Variants in MMP8 observed in about 807,000 individuals in gnomAD.
MMP8 encodes neutrophil collagenase.
A neutral mutation model predicts 51.2 loss-of-function variants in MMP8; 67 were observed. The ratio of observed to expected loss-of-function variants is 1.31; its 90% CI spans 1.08 to 1.60. The LOEUF is 1.60. Among genes scored for constraint, MMP8 ranks in the 40% most tolerant of loss-of-function variants. The pLI is 0.00. For missense variants in MMP8, 654 were observed against 558.1 expected, an observed-to-expected ratio of 1.17 and a Z score of -1.73; for synonymous variants, 225 against 191.0, an observed-to-expected ratio of 1.18 and a Z score of -1.47.
In MMP8 at chr11:102,714,591, A is replaced by C. The variant is rs1861224149; in HGVS notation, c.1155T>G (p.Ser385Arg). ...QAIDAAVFYR[S>R]KTYFFVNDQF... is the part of the protein sequence containing the mutation. ...GGTCATTTACAAAGAAGTATGTTTT[A>C]CTTCTGTAGAAAACAGCTGCGTCAA... Residue 385 changes from serine (S) to arginine (R), a missense_variant, in exon 8 of 10, where the codon AGT becomes AGG. Ser to Arg is a moderately radical substitution (Grantham distance 110, BLOSUM62 -1). Coordinates refer to ENST00000236826, the MANE Select transcript of MMP8 (RefSeq NM_002424.3). 1 of 1,511,664 alleles carries C rather than the reference A, an allele frequency of 6.6e-7. No homozygotes were observed. The highest frequency in any genetic ancestry group is 8.8e-7 in the Non-Finnish European group (1 of 1,132,830). The allele number at this position is 1,511,664 out of a possible 1,614,324, so 93.6% of individuals were successfully genotyped here.
chr11:102,714,482 A>G, intron 8 of MMP8, 74 bp downstream of exon 8: 1 of 1,069,488 alleles, frequency 9.4e-7, no homozygotes, highest in East Asian at 3.1e-5. Flanking sequence ...TAAACCTTGA[A>G]ATGCTTGAAG....
chr11:102,724,365 G>A (rs1024379252), intron 1 of MMP8, among the ~76,000 whole-genome samples: 7 of 151,968 alleles, frequency 4.6e-5, no homozygotes, highest in African/African-American at 1.5e-4. Context: ...AATTTTTGGC[G>A]GCAAAGAAAA....
intron 6 of MMP8, 84 bp from the exon 7 acceptor site, chr11:102,715,521 G>A: frequency 4.7e-6 from 7 of 1,495,566 alleles, no homozygotes; most frequent in Non-Finnish European, 6.3e-6. Flanking sequence ...GGCTAGTGAT[G>A]GTCCTTGTAG....
Position 102,724,818 on chromosome 11 carries a change from A to C in MMP8, c.38T>G (p.Leu13Arg). Residue 13 changes from leucine (L) to arginine (R), a missense_variant, in exon 1 of 10, where the codon CTC becomes CGC. Leu to Arg is a moderately radical substitution (Grantham distance 102). Transcript: ENST00000236826. ...SLKTLPFLLL[L>R]HVQISKAFPV... Reference sequence around the variant, plus strand: ...AAAGGCCTTGGAAATCTGCACATGGAGTAAGAGCAGAAATGGAAGCGTCTT... The same window carrying C: ...AAAGGCCTTGGAAATCTGCACATGGCGTAAGAGCAGAAATGGAAGCGTCTT... 1 of 1,609,940 alleles carries C rather than the reference A, an allele frequency of 6.2e-7. No individual in the cohort carries two copies. The highest frequency in any genetic ancestry group is 8.5e-7 in the Non-Finnish European group (1 of 1,177,542).
rs969037484 is a variant in MMP8, at chr11:102,712,468, C to T, written c.*880G>A. Reference sequence around the variant, plus strand: ...TGGCTTAAAACAAAGGAAATTTATTCCCTCACGGTTTTGGAGGATAGAAGT... The same window carrying T: ...TGGCTTAAAACAAAGGAAATTTATTTCCTCACGGTTTTGGAGGATAGAAGT... On this transcript the variant is annotated 3_prime_UTR_variant, in exon 10 of 10. Coordinates refer to ENST00000236826, the MANE Select transcript of MMP8 (RefSeq NM_002424.3). 3 of 152,190 alleles carry T rather than the reference C, an allele frequency of 2.0e-5. No homozygotes were observed. Among genetic ancestry groups the T allele is most frequent in the African/African-American group, 2.4e-5 (1 of 41,412 alleles). The allele number at this position is 152,190 out of a possible 1,614,324, so 9.4% of individuals were successfully genotyped here. A position where few individuals can be genotyped will look rare whatever the true frequency, so the allele number is the denominator to read the frequency against.
Position 102,724,876 on chromosome 11 carries a change from C to T in MMP8, c.-21G>A, listed in dbSNP as rs1405345763. 2 of 1,598,860 alleles carry T rather than the reference C, an allele frequency of 1.3e-6. No homozygotes were observed. Among genetic ancestry groups the T allele is most frequent in the Non-Finnish European group, 1.7e-6 (2 of 1,171,366 alleles). Reference sequence around the variant, plus strand: ...AACATGATCTTCTCTTCAAACTCTACCCCTCCTGGCTTTCTTTCTGTCCCT... The same window carrying T: ...AACATGATCTTCTCTTCAAACTCTATCCCTCCTGGCTTTCTTTCTGTCCCT... On this transcript the variant is annotated 5_prime_UTR_variant, in exon 1 of 10. Coordinates refer to ENST00000236826, the MANE Select transcript of MMP8 (RefSeq NM_002424.3).
Position 102,724,831 on chromosome 11 carries a change from A to G in MMP8, c.25T>C (p.Phe9Leu). MFSLKTLP[F>L]LLLLHVQISK... ...ATCTGCACATGGAGTAAGAGCAGAAATGGAAGCGTCTTCAGGGAGAACATG... is the reference window on the plus strand; with the variant it reads ...ATCTGCACATGGAGTAAGAGCAGAAGTGGAAGCGTCTTCAGGGAGAACATG... Residue 9 changes from phenylalanine to leucine, a missense_variant, in exon 1 of 10, where the codon TTT (phenylalanine) becomes CTT (leucine). By Grantham distance (22) the Phe-to-Leu change is conservative. Transcript: ENST00000236826. The G allele has an allele frequency of 6.2e-7, 1 of 1,610,518 alleles. No individual in the cohort carries two copies. Among genetic ancestry groups the G allele is most frequent in the Non-Finnish European group, 8.5e-7 (1 of 1,177,850 alleles).
At chr11:102,715,140 C>T (rs1039380327) in intron 7 of MMP8, among the ~76,000 whole-genome samples, 164 bp downstream of exon 7, 4 of 152,084 alleles carry the variant, frequency 2.6e-5, no homozygotes, top group African/African-American at 9.7e-5. Context: ...CAGGTTCACA[C>T]AGTAGTTAGT....
chr11:102,718,153 A>G (rs2846352), intron 5 of MMP8, among the ~76,000 whole-genome samples: 60,782 of 151,890 alleles, frequency 0.4, 12,500 homozygotes, highest in Middle Eastern at 0.52. Flanking sequence ...AGCCTAAAAA[A>G]GAAGAAAAAA....
At chr11:102,714,769 TA>T in intron 7 of MMP8, 60 bp from the exon 8 acceptor site, 1 of 29,008 alleles carries the variant, frequency 3.4e-5, no homozygotes, top group South Asian at 6.5e-4. Context: ...AAATTATATA[TA>T]TATATATATA....
chr11:102,720,355 G>A lies in MMP8; in HGVS notation c.622+1046C>T, dbSNP rs146907068. On this transcript the variant is annotated intron_variant, in intron 4 of 9. Transcript: ENST00000236826. ...GTCCAGTTAGGAATCTAGATCATTC[G>A]TTCAGGTAAGAGGTAATGATCATCC... is the stretch of plus-strand genomic sequence containing the variant. Among the ~76,000 whole-genome samples the A allele has an allele frequency of 5.5e-4, 84 of 152,270 alleles. 1 individual carries two copies. Among genetic ancestry groups the A allele is most frequent in the Middle Eastern group, 3.4e-3 (1 of 294 alleles).
chr11:102,714,689 T>C lies in MMP8; in HGVS notation c.1057A>G (p.Ser353Gly). The C allele has an allele frequency of 6.6e-7, 1 of 1,526,268 alleles. No homozygotes were observed. The highest frequency in any genetic ancestry group is 8.8e-7 in the Non-Finnish European group (1 of 1,140,256). 94.5% of individuals were successfully genotyped at this position (1,526,268 alleles called of 1,614,324 possible). The change falls in exon 8 of 10, where the codon AGT (serine) becomes GGT (glycine). Residue 353 changes from serine to glycine, a missense_variant. By Grantham distance (56) the Ser-to-Gly change is moderately conservative. Coordinates refer to ENST00000236826, the MANE Select transcript of MMP8 (RefSeq NM_002424.3). ...LFKGNQYWAL[S>G]GYDILQGYPK... The stretch of plus-strand genomic sequence containing the variant: ...TAACCTTGCAGAATATCATAGCCAC[T>C]CAGAGCCCAGTATTGGTTGCCTGTC...
At chr11:102,718,851 T>A (rs1374849269) in intron 4 of MMP8, among the ~76,000 whole-genome samples, 2 of 152,222 alleles carry the variant, frequency 1.3e-5, no homozygotes, top group African/African-American at 4.8e-5. Context: ...TTTACAAATG[T>A]GCATCTGAGA....
At chr11:102,723,118 C>A in intron 1 of MMP8, 1 of 1,152,024 alleles carries the variant, frequency 8.7e-7, no homozygotes, top group Non-Finnish European at 1.2e-6. Flanking sequence ...AAGGAATTTT[C>A]CAAGTGATGA....
chr11:102,722,309 C>T (rs1861496154), intron 2 of MMP8, 120 bp downstream of exon 2: 1 of 1,117,950 alleles, frequency 8.9e-7, no homozygotes, highest in Non-Finnish European at 1.3e-6. Flanking sequence ...TACTCACACT[C>T]TTCAAAGGCA....
At chr11:102,718,287 T>A in intron 5 of MMP8, 127 bp downstream of exon 5, 1 of 993,568 alleles carries the variant, frequency 1.0e-6, no homozygotes, top group Non-Finnish European at 1.5e-6. Context: ...GCTTTATTAC[T>A]GGGGAAATTC....
chr11:102,714,116 C>T (rs1861210240), intron 8 of MMP8, among the ~76,000 whole-genome samples: 1 of 152,064 alleles, frequency 6.6e-6, no homozygotes, highest in Non-Finnish European at 1.5e-5. Flanking sequence ...CTTATATTTT[C>T]AAGGCTTTTA....
chr11:102,720,416 G>A (rs931404638), intron 4 of MMP8, among the ~76,000 whole-genome samples: 7 of 152,134 alleles, frequency 4.6e-5, no homozygotes, highest in African/African-American at 1.7e-4. Flanking sequence ...ATGGAGAGGA[G>A]CTGAGGGTTA....
chr11:102,713,652 G>T, intron 9 of MMP8, 102 bp downstream of exon 9: 1 of 1,121,812 alleles, frequency 8.9e-7, no homozygotes, highest in Non-Finnish European at 1.3e-6. Flanking sequence ...GATTGCTTGA[G>T]GCCAGGAGTT....
Sources: allele counts gnomAD v4.1 joint callset (sites outside exome capture counted in the v4.1 genomes callset), GRCh38; gene constraint gnomAD v4.1.1; transcripts MANE v1.5; gene names NCBI Gene and HGNC (gene_info 2026-07-23, HGNC 2026-07-21).